C8orf34: variants seen among roughly 807,000 people sequenced by gnomAD.
The protein encoded by C8orf34 is chromosome 8 open reading frame 34, also known as uncharacterized protein C8orf34.
C8orf34 carries 65 observed loss-of-function variants against 68.3 expected under a neutral mutation model. The observed-to-expected ratio is 0.95, with a 90% CI of 0.78 to 1.17. The LOEUF (loss-of-function observed/expected upper bound fraction) is 1.17, where lower values mean the gene tolerates loss of function less well. Ranked by LOEUF, C8orf34 falls within the 50% of genes most tolerant of loss-of-function variation. The pLI is 0.00. For synonymous variants in C8orf34, 244 were observed against 241.2 expected (o/e 1.01, Z -0.11); for missense variants, 664 against 655.4 (o/e 1.01, Z -0.14).
At chr8:68,357,993 C>T (rs1427720951) in intron 1 of C8orf34, among the ~76,000 whole-genome samples, 1 of 152,128 alleles carries the variant, frequency 6.6e-6, no homozygotes, top group East Asian at 1.9e-4. Flanking sequence ...ATTGTCTTCA[C>T]ATTGTTTTAC....
intron 7 of C8orf34, among the ~76,000 whole-genome samples, chr8:68,617,801 C>T (rs534602618): frequency 2.6e-5 from 4 of 152,066 alleles, no homozygotes; most frequent in Non-Finnish European, 5.9e-5. Flanking sequence ...TTGTGGAGTT[C>T]TCTGTATTTC....
In C8orf34 at chr8:68,591,228, G is replaced by GTTAT. The variant is rs1817380208; in HGVS notation, c.1106-49146_1106-49143dup. Reference sequence around the variant, plus strand: ...TAACTCTTTTATTTGGCAAAATAATGTTATTGATAGCTTCTTTGCTTCTTC... The same window carrying GTTAT: ...TAACTCTTTTATTTGGCAAAATAATGTTATTTATTGATAGCTTCTTTGCTTCTTC... On this transcript the variant is annotated intron_variant, in intron 7 of 13. Transcript: ENST00000518698. 3.9e-5 allele frequency among the ~76,000 whole-genome samples: 6 copies of GTTAT among 152,262 alleles called. No individual in the cohort carries two copies. In the South Asian group the frequency reaches 1.2e-3, roughly 32 times the overall value.
Position 68,468,742 on chromosome 8 carries a change from A to G in C8orf34, c.658A>G (p.Ser220Gly), listed in dbSNP as rs1218491152. ...GTGGAACTGGAGGACTAAACCACAA[A>G]GCCGTGATTTTGATGAATTGAATCA... is the stretch of plus-strand genomic sequence containing the variant. ...PKWNWRTKPQ[S>G]RDFDELNHIL... The change falls in exon 4 of 14, where the codon AGC (serine) becomes GGC (glycine). Residue 220 changes from serine (S) to glycine (G), a missense_variant. Transcript: ENST00000518698. 1.9e-6 allele frequency: 3 copies of G among 1,612,920 alleles called. No individual in the cohort carries two copies. Among genetic ancestry groups the G allele is most frequent in the Non-Finnish European group, 2.5e-6 (3 of 1,179,258 alleles).
intron 1 of C8orf34, among the ~76,000 whole-genome samples, chr8:68,338,649 C>A (rs1805949857): frequency 6.6e-6 from 1 of 152,132 alleles, no homozygotes; most frequent in Non-Finnish European, 1.5e-5. Context: ...CATGTTGCAG[C>A]ATGTTACCAA....
chr8:68,346,267 C>CTT lies in C8orf34; in HGVS notation c.327+14943_327+14944dup, dbSNP rs76583643. On this transcript the variant is annotated intron_variant, in intron 1 of 13. Transcript: ENST00000518698. ...AAACATATTTTAATAATCTCCCTAC[C>CTT]TTTTTTTTTTTTTTTTAGAAAGATC... Among the ~76,000 whole-genome samples, 1,098 of 133,478 alleles carry CTT rather than the reference C, an allele frequency of 8.2e-3. 15 individuals carry two copies. Among genetic ancestry groups the CTT allele is most frequent in the East Asian group, 0.03 (142 of 4,700 alleles). 87.6% of individuals were successfully genotyped at this position (133,478 alleles called of 152,430 possible). A position where few individuals can be genotyped will look rare whatever the true frequency, so the allele number is the denominator to read the frequency against.
At chr8:68,536,965 A>C (rs1440585649) in intron 7 of C8orf34, among the ~76,000 whole-genome samples, 1 of 152,162 alleles carries the variant, frequency 6.6e-6, no homozygotes, top group Non-Finnish European at 1.5e-5. Context: ...TCAATATGTT[A>C]CCAAATTTTG....
chr8:68,482,747 G>A (rs1400550), intron 4 of C8orf34, among the ~76,000 whole-genome samples: 95,340 of 152,058 alleles, frequency 0.63, 30,294 homozygotes, highest in East Asian at 0.89. Flanking sequence ...TTTCCATGAT[G>A]TAAATATTCC....
intron 1 of C8orf34, among the ~76,000 whole-genome samples, chr8:68,408,961 G>A (rs944843175): frequency 1.3e-5 from 2 of 152,088 alleles, no homozygotes; most frequent in Admixed American, 6.5e-5. Flanking sequence ...GCTAATTTTT[G>A]TATTTTTAGT....
intron 3 of C8orf34, among the ~76,000 whole-genome samples, chr8:68,448,659 T>C (rs1200825423): frequency 1.3e-5 from 2 of 152,032 alleles, no homozygotes; most frequent in Admixed American, 6.6e-5. Context: ...AAAATAGAAA[T>C]TGGACACCAA....
At chr8:68,535,379 T>C (rs1194976323) in intron 7 of C8orf34, 4 of 984,518 alleles carry the variant, frequency 4.1e-6, no homozygotes, top group Non-Finnish European at 3.6e-6. Flanking sequence ...AAGATATAAC[T>C]GGCTGAAAAA....
intron 8 of C8orf34, among the ~76,000 whole-genome samples, chr8:68,648,088 T>TAA (rs1819233636): frequency 6.6e-6 from 1 of 152,160 alleles, no homozygotes; most frequent in Non-Finnish European, 1.5e-5. Context: ...TTATAATTGG[T>TAA]GAGTTTATTT....
At chr8:68,425,008 T>C (rs541385641) in intron 1 of C8orf34, among the ~76,000 whole-genome samples, 6 of 152,294 alleles carry the variant, frequency 3.9e-5, no homozygotes, top group African/African-American at 1.4e-4. Context: ...TAATTCAACA[T>C]ATCAATAGGC....
chr8:68,505,312 A>G (rs907496199), intron 5 of C8orf34, among the ~76,000 whole-genome samples: 6 of 152,232 alleles, frequency 3.9e-5, no homozygotes, highest in Non-Finnish European at 8.8e-5. Context: ...ATTGAATATT[A>G]GATCATTATT....
intron 5 of C8orf34, among the ~76,000 whole-genome samples, chr8:68,488,378 A>G (rs1165653159): frequency 6.6e-6 from 1 of 151,818 alleles, no homozygotes; most frequent in Non-Finnish European, 1.5e-5. Flanking sequence ...CTAAATGATA[A>G]TGATATGGAA....
Position 68,722,375 on chromosome 8 carries a change from G to A in C8orf34, c.1404+938G>A, listed in dbSNP as rs1821701167. ...CTCCAAATGCATTCTGAGGTACTTG[G>A]GCTAGGAATTCGACATATGAAATTT... On this transcript the variant is annotated intron_variant, in intron 10 of 13. Coordinates refer to ENST00000518698, the MANE Select transcript of C8orf34 (RefSeq NM_052958.4). Among the ~76,000 whole-genome samples, 3 of 151,814 alleles carry A rather than the reference G, an allele frequency of 2.0e-5. No individual in the cohort carries two copies. The South Asian group carries it at 6.2e-4, about 32-fold the overall frequency.
chr8:68,515,119 A>G lies in C8orf34; in HGVS notation c.766-6680A>G, dbSNP rs1165343274. On this transcript the variant is annotated intron_variant, in intron 5 of 13. Coordinates refer to ENST00000518698, the MANE Select transcript of C8orf34 (RefSeq NM_052958.4). ...TAATCATTTCATGCTATATATGTAC[A>G]TTTAAAAAATCACTTTGTACACCTT... Among the ~76,000 whole-genome samples, 4 of 152,308 alleles carry G rather than the reference A, an allele frequency of 2.6e-5. No individual in the cohort carries two copies. In the East Asian group the frequency reaches 7.7e-4, roughly 29 times the overall value.
intron 8 of C8orf34, among the ~76,000 whole-genome samples, chr8:68,680,493 C>A (rs990241635): frequency 6.6e-6 from 1 of 152,068 alleles, no homozygotes; most frequent in Non-Finnish European, 1.5e-5. Context: ...CCCCCCTGAG[C>A]CTCAAACCAG....
rs1015713484 is a variant in C8orf34 at position 68,446,439 on chromosome 8, C to T, written c.586C>T (p.Pro196Ser). Residue 196 changes from proline to serine, a missense_variant, in exon 3 of 14, where the codon CCA (proline) becomes TCA (serine). Coordinates refer to ENST00000518698, the MANE Select transcript of C8orf34 (RefSeq NM_052958.4). ...SDLAVSNISP[P>S]SPDSKSLPRS... ...CCTTGCTGTGTCTAATATTTCTCCA[C>T]CATCACCGGACTCCAAATCATGTAA... 5.0e-6 allele frequency: 8 copies of T among 1,612,522 alleles called. No homozygotes were observed. Among genetic ancestry groups the T allele is most frequent in the Non-Finnish European group, 6.8e-6 (8 of 1,179,392 alleles).
chr8:68,403,445 TA>T (rs1331287723), intron 1 of C8orf34, among the ~76,000 whole-genome samples: 11 of 152,166 alleles, frequency 7.2e-5, no homozygotes, highest in African/African-American at 2.7e-4. Flanking sequence ...GCAGGTTTGT[TA>T]CATAGGTATA....
Sources: gnomAD v4.1 joint callset for allele counts (sites outside exome capture counted in the v4.1 genomes callset) on GRCh38, gnomAD v4.1.1 for gene constraint, MANE v1.5 for transcripts, NCBI Gene and HGNC (gene_info 2026-07-23, HGNC 2026-07-21) for gene names.